TXNDC11: variants seen among roughly 807,000 people sequenced by gnomAD.
TXNDC11 encodes thioredoxin domain containing 11.
TXNDC11 carries 68 observed loss-of-function variants against 78.0 expected under a neutral mutation model. The observed-to-expected ratio is 0.87, with a 90% CI of 0.72 to 1.07. The LOEUF (loss-of-function observed/expected upper bound fraction) is 1.07. Among genes scored for constraint, TXNDC11 ranks in the 50% least tolerant of loss-of-function variants. The pLI, the probability that TXNDC11 is intolerant of heterozygous loss-of-function variation, is 0.00. For missense variants in TXNDC11, 1,389 were observed against 1,221.8 expected (o/e 1.14, Z -2.04); for synonymous variants, 571 against 495.2 (o/e 1.15, Z -2.03).
intron 7 of TXNDC11, 148 bp downstream of exon 7, chr16:11,697,977 A>T: frequency 1.4e-6 from 1 of 733,404 alleles, no homozygotes; most frequent in Non-Finnish European, 2.3e-6. Context: ...GCCCATATGG[A>T]GGGGCAAAGA....
intron 5 of TXNDC11, among the ~76,000 whole-genome samples, chr16:11,709,474 G>A (rs2051278755): frequency 1.8e-5 from 2 of 108,768 alleles, no homozygotes; most frequent in Non-Finnish European, 3.4e-5. Flanking sequence ...TCGCTCTGTT[G>A]CCCAGGCTGG....
Position 11,679,271 on chromosome 16 carries a change from G to A in TXNDC11, c.2801C>T (p.Pro934Leu). Residue 934 changes from proline (P) to leucine (L), a missense_variant, in exon 12 of 12, where the codon CCT (proline) becomes CTT (leucine). Transcript: ENST00000283033. The surrounding 1 kb of genome is among the most constrained non-coding windows in gnomAD (Gnocchi z 4.6). The stretch of plus-strand genomic sequence containing the variant: ...ATTGGCAGGTGGAGGGGAGCTGCCA[G>A]GGAGCTGGGGGGTGGCTGAGGGCTC... ...QPEPSATPQL[P>L]GSSPPPANVS... 1 of 1,612,970 alleles carries A rather than the reference G, an allele frequency of 6.2e-7. No individual in the cohort carries two copies. The highest frequency in any genetic ancestry group is 8.5e-7 in the Non-Finnish European group (1 of 1,180,000).
intron 5 of TXNDC11, among the ~76,000 whole-genome samples, chr16:11,703,171 T>C (rs1387072772): frequency 6.6e-6 from 1 of 152,006 alleles, no homozygotes; most frequent in Non-Finnish European, 1.5e-5. Flanking sequence ...ACCCTAACTA[T>C]TGCAAACGGG....
Position 11,742,773 on chromosome 16 carries a change from C to G in TXNDC11, c.-43G>C. 7.1e-7 allele frequency: 1 copy of G among 1,417,810 alleles called. No homozygotes were observed. Among genetic ancestry groups the G allele is most frequent in the Non-Finnish European group, 9.2e-7 (1 of 1,092,624 alleles). 87.8% of individuals were successfully genotyped at this position (1,417,810 alleles called of 1,614,324 possible). ...CGGCTTTATACCGCCGCCGCCGCCTCGGGCCCGAAGGCCCGGCCCGGCCCG... is the reference window on the plus strand; with the variant it reads ...CGGCTTTATACCGCCGCCGCCGCCTGGGGCCCGAAGGCCCGGCCCGGCCCG... On this transcript the variant is annotated 5_prime_UTR_variant, in exon 1 of 12. Coordinates refer to ENST00000283033, the MANE Select transcript of TXNDC11 (RefSeq NM_015914.7).
intron 11 of TXNDC11, among the ~76,000 whole-genome samples, chr16:11,683,087 A>G (rs931853141): frequency 6.6e-6 from 1 of 152,236 alleles, no homozygotes; most frequent in Non-Finnish European, 1.5e-5. Flanking sequence ...AAAAGGACTC[A>G]ACTTTCTAAA....
rs1376165690 is a variant in TXNDC11, at chr16:11,679,810, T to G, written c.2262A>C (p.Glu754Asp). 6.2e-7 allele frequency: 1 copy of G among 1,612,836 alleles called. No individual in the cohort carries two copies. The highest frequency in any genetic ancestry group is 1.3e-5 in the African/African-American group (1 of 74,862). ...GGTTTGGAAGGGTGATGGGGACGTC[T>G]TCGGGGTATTTCACACTTAGGTCCT... is the stretch of plus-strand genomic sequence containing the variant. ...NRKDLSVKYP[E>D]DVPITLPNLL... The change falls in exon 12 of 12, where the codon GAA becomes GAC. Residue 754 changes from glutamate (E) to aspartate (D), a missense_variant. Glu to Asp is a conservative substitution (Grantham distance 45). Transcript: ENST00000283033. The surrounding 1 kb of genome is among the most constrained non-coding windows in gnomAD (Gnocchi z 4.6).
At chr16:11,737,674 T>A (rs922826225) in intron 1 of TXNDC11, among the ~76,000 whole-genome samples, 3 of 151,176 alleles carry the variant, frequency 2.0e-5, no homozygotes, top group African/African-American at 7.3e-5. Context: ...CCATCCTAGC[T>A]AACATGGTGA....
rs1324300539 is a variant in TXNDC11, at chr16:11,684,178, A to T, written c.2221T>A (p.Phe741Ile). ...MVDRLPTVLF[F>I]PCNRKDLSVK... is the part of the protein sequence containing the mutation. Reference sequence around the variant, plus strand: ...ATTTGGCATTACCTGTTGCAGGGAAAAAACAAGACAGTAGGAAGACGATCG... The same window carrying T: ...ATTTGGCATTACCTGTTGCAGGGAATAAACAAGACAGTAGGAAGACGATCG... Residue 741 changes from phenylalanine to isoleucine, a missense_variant, in exon 11 of 12, where the codon TTT becomes ATT. Transcript: ENST00000283033. 1 of 1,613,944 alleles carries T rather than the reference A, an allele frequency of 6.2e-7. No individual in the cohort carries two copies. The highest frequency in any genetic ancestry group is 8.5e-7 in the Non-Finnish European group (1 of 1,179,832).
chr16:11,691,586 G>GAA lies in TXNDC11; in HGVS notation c.1602_1603dup (p.Ser535PhefsTer31). On this transcript the variant is annotated frameshift_variant, in exon 8 of 12. Coordinates refer to ENST00000283033, the MANE Select transcript of TXNDC11 (RefSeq NM_015914.7). LOFTEE classifies it high-confidence loss of function. Reference sequence around the variant, plus strand: ...AACCTCACATTTCTTCTCAAGGGAAGAAAATGCAACAGTAGGGGCTTCAAA... The same window carrying GAA: ...AACCTCACATTTCTTCTCAAGGGAAGAAAAAATGCAACAGTAGGGGCTTCAAA... The GAA allele has an allele frequency of 6.2e-7, 1 of 1,614,220 alleles. No individual in the cohort carries two copies. Among genetic ancestry groups the GAA allele is most frequent in the Non-Finnish European group, 8.5e-7 (1 of 1,180,042 alleles).
At chr16:11,701,482 T>A (rs1244526525) in intron 5 of TXNDC11, among the ~76,000 whole-genome samples, 3 of 152,152 alleles carry the variant, frequency 2.0e-5, no homozygotes, top group Non-Finnish European at 4.4e-5. Flanking sequence ...AGAGACTTTG[T>A]TTCATGCTAG....
chr16:11,735,960 C>G, intron 2 of TXNDC11, 57 bp downstream of exon 2: 1 of 1,543,196 alleles, frequency 6.5e-7, no homozygotes. Flanking sequence ...TGGGGACATC[C>G]TGCCCTACAT....
chr16:11,691,683 T>C lies in TXNDC11; in HGVS notation c.1507A>G (p.Ser503Gly), dbSNP rs754794965. 6.2e-7 allele frequency: 1 copy of C among 1,614,224 alleles called. No homozygotes were observed. Among genetic ancestry groups the C allele is most frequent in the Non-Finnish European group, 8.5e-7 (1 of 1,180,044 alleles). The change falls in exon 8 of 12, where the codon AGC (serine) becomes GGC (glycine). Residue 503 changes from serine (S) to glycine (G), a missense_variant. Physicochemically the swap from Ser to Gly is moderately conservative, Grantham distance 56 (BLOSUM62 0). Transcript: ENST00000283033. ...GTCCTGCAACATGCAGTGTAGTAGCTGAAGGGGCTATAGGAAGTTAAAAAA... is the reference window on the plus strand; with the variant it reads ...GTCCTGCAACATGCAGTGTAGTAGCCGAAGGGGCTATAGGAAGTTAAAAAA... The part of the protein sequence containing the change: ...SNFLTSYSPF[S>G]YYTACCRTIS...
At chr16:11,691,067 T>C (rs1447976824) in intron 8 of TXNDC11, 6 of 557,388 alleles carry the variant, frequency 1.1e-5, no homozygotes, top group African/African-American at 1.9e-5. Flanking sequence ...ATGGGCTAAA[T>C]GACAAACTTA....
intron 5 of TXNDC11, among the ~76,000 whole-genome samples, chr16:11,716,782 C>T (rs997670377): frequency 2.6e-5 from 4 of 152,060 alleles, no homozygotes; most frequent in Admixed American, 2.6e-4. Context: ...CCACAAAACA[C>T]AAGAACTACA....
chr16:11,727,226 T>C (rs974969351), intron 4 of TXNDC11, among the ~76,000 whole-genome samples: 3 of 151,794 alleles, frequency 2.0e-5, no homozygotes, highest in African/African-American at 2.4e-5. Flanking sequence ...TTCCTTAAAA[T>C]CCAGATCCTA....
chr16:11,685,574 G>A (rs1373817173), intron 10 of TXNDC11, among the ~76,000 whole-genome samples: 5 of 151,702 alleles, frequency 3.3e-5, no homozygotes, highest in Non-Finnish European at 5.9e-5. Flanking sequence ...GCGTGAACCC[G>A]GGAGGCGGAG....
In TXNDC11 at chr16:11,742,800, T is replaced by C; in HGVS notation, c.-70A>G. ...GGCCCGAAGGCCCGGCCCGGCCCGT[T>C]GCTCCCCAATCCCGCAGCTCGCCGC... is the stretch of plus-strand genomic sequence containing the variant. On this transcript the variant is annotated 5_prime_UTR_variant, in exon 1 of 12. Transcript: ENST00000283033. 7.2e-7 allele frequency: 1 copy of C among 1,388,846 alleles called. No individual in the cohort carries two copies. The highest frequency in any genetic ancestry group is 3.0e-5 in the Admixed American group (1 of 33,110). 86.0% of individuals were successfully genotyped at this position (1,388,846 alleles called of 1,614,324 possible).
Position 11,721,953 on chromosome 16 carries a change from G to A in TXNDC11, c.700-283C>T, listed in dbSNP as rs184591235. On this transcript the variant is annotated intron_variant, in intron 4 of 11. Coordinates refer to ENST00000283033, the MANE Select transcript of TXNDC11 (RefSeq NM_015914.7). ...AGCTGAAATTTCCTTCTGTCCCCAT[G>A]AGTAGGTCTTTCCACACCCTGTTTG... Among the ~76,000 whole-genome samples, 16 of 152,282 alleles carry A rather than the reference G, an allele frequency of 1.1e-4. 1 individual carries two copies. The South Asian group carries it at 2.1e-3, about 20-fold the overall frequency.
chr16:11,736,310 C>T (rs2052219917), intron 1 of TXNDC11, 77 bp from the exon 2 acceptor site: 12 of 1,207,670 alleles, frequency 9.9e-6, no homozygotes, highest in Non-Finnish European at 1.4e-5. Flanking sequence ...TAGAATGAAG[C>T]TTAAAAGGAA....
Sources: allele counts gnomAD v4.1 joint callset (sites outside exome capture counted in the v4.1 genomes callset), GRCh38; gene constraint gnomAD v4.1.1; non-coding constraint Gnocchi (gnomAD v3.1); transcripts MANE v1.5; gene names NCBI Gene and HGNC (gene_info 2026-07-23, HGNC 2026-07-21).